SYNE1: variants seen among roughly 807,000 people sequenced by gnomAD.
SYNE1 encodes nesprin-1.
A neutral mutation model predicts 1,111.0 loss-of-function variants in SYNE1; 616 were observed. The observed-to-expected ratio is 0.55, with a 90% confidence interval of 0.52 to 0.59. The LOEUF (loss-of-function observed/expected upper bound fraction) is 0.59, where lower values mean the gene tolerates loss of function less well. SYNE1 is among the 20% of genes least tolerant of loss of function. The probability of loss-of-function intolerance (pLI) is 0.00; values close to 1 mark genes in which losing one functional copy is unlikely to be tolerated. For synonymous variants in SYNE1, 3,855 were observed against 3,825.8 expected (o/e 1.01, Z -0.28); for missense variants, 10,006 against 10,417.0 (o/e 0.96, Z 1.72).
At chr6:152,215,164 G>C in intron 121 of SYNE1, 104 bp from the exon 122 acceptor site, 4 of 1,325,324 alleles carry the variant, frequency 3.0e-6, no homozygotes, top group Non-Finnish European at 4.3e-6. Flanking sequence ...GCTGGTCTTC[G>C]GTCTAGTGGC....
At chr6:152,570,912 A>C (rs2099450583) in intron 3 of SYNE1, among the ~76,000 whole-genome samples, 1 of 152,166 alleles carries the variant, frequency 6.6e-6, no homozygotes, top group African/African-American at 2.4e-5. Flanking sequence ...TCCTAAAGGC[A>C]GCCAGATGCG....
At chr6:152,295,620 AC>A (rs1266394993) in intron 93 of SYNE1, among the ~76,000 whole-genome samples, 1 of 137,418 alleles carries the variant, frequency 7.3e-6, no homozygotes, top group Non-Finnish European at 1.7e-5. Flanking sequence ...TTACTGACAC[AC>A]ACACACACAC....
intron 3 of SYNE1, among the ~76,000 whole-genome samples, chr6:152,577,781 T>C (rs1444818148): frequency 1.2e-5 from 1 of 82,176 alleles, no homozygotes; most frequent in Admixed American, 1.3e-4. Context: ...TTCTGTTTTG[T>C]TTTTTTTTTT....
intron 87 of SYNE1, chr6:152,316,457 G>T: frequency 3.6e-6 from 1 of 276,922 alleles, no homozygotes; most frequent in Non-Finnish European, 7.0e-6. Flanking sequence ...CTGCATGGCG[G>T]AGCTTGGTTT....
intron 85 of SYNE1, among the ~76,000 whole-genome samples, 173 bp downstream of exon 85, chr6:152,318,690 A>C (rs529615589): frequency 6.6e-6 from 1 of 152,248 alleles, no homozygotes; most frequent in South Asian, 2.1e-4. Flanking sequence ...ATAATGATCA[A>C]TTATGTAAGA....
intron 90 of SYNE1, among the ~76,000 whole-genome samples, chr6:152,309,531 T>A (rs1465120851): frequency 1.3e-5 from 2 of 152,224 alleles, no homozygotes; most frequent in Non-Finnish European, 2.9e-5. Flanking sequence ...TGTAGATGAT[T>A]CTCAGGTGAA....
chr6:152,586,419 C>G (rs1201012569), intron 3 of SYNE1, among the ~76,000 whole-genome samples: 1 of 152,134 alleles, frequency 6.6e-6, no homozygotes, highest in Non-Finnish European at 1.5e-5. Context: ...CATTTGATAT[C>G]TTCCACCTTC....
At chr6:152,457,500 C>G (rs2098703572) in intron 22 of SYNE1, among the ~76,000 whole-genome samples, 1 of 152,022 alleles carries the variant, frequency 6.6e-6, no homozygotes, top group Admixed American at 6.6e-5. Flanking sequence ...ACCAAATAAC[C>G]CAATTAACTA....
chr6:152,129,320 C>T (rs1378099814), intron 145 of SYNE1: 1 of 152,196 alleles, frequency 6.6e-6, no homozygotes, highest in Non-Finnish European at 1.5e-5. Context: ...AACCAAAGAA[C>T]TGATCTCTGG....
At chr6:152,247,154 G>A (rs1002735867) in intron 105 of SYNE1, among the ~76,000 whole-genome samples, 5 of 152,142 alleles carry the variant, frequency 3.3e-5, no homozygotes, top group Admixed American at 2.6e-4. Context: ...CTGTGCACCA[G>A]GTTTATGAGG....
chr6:152,604,998 AAGAAAGAAAGAGAGAGAGAGAG>A (rs1473208134), intron 3 of SYNE1, among the ~76,000 whole-genome samples: 3 of 26,922 alleles, frequency 1.1e-4, no homozygotes, highest in African/African-American at 4.8e-4. Context: ...GAAAGAAAGA[AAGAAAGAAAGAGAGAGAGAGAG>A]AGAGAGAGAG....
In SYNE1 at chr6:152,493,220, G is replaced by C. The variant is rs773124139; in HGVS notation, c.940-4717C>G. On this transcript the variant is annotated intron_variant, in intron 11 of 145. Transcript: ENST00000367255. ...AGTATCCCATCCCACAACAGGCTTT[G>C]AGAGGACTAAAGCCTGTCCAGGATC... Among the ~76,000 whole-genome samples the C allele has an allele frequency of 3.3e-5, 5 of 151,960 alleles. No homozygotes were observed. The South Asian group carries it at 1.0e-3, about 32-fold the overall frequency.
chr6:152,505,112 G>T, intron 9 of SYNE1, 89 bp downstream of exon 9: 1 of 1,436,332 alleles, frequency 7.0e-7, no homozygotes, highest in Non-Finnish European at 9.7e-7. Context: ...GCCTCCAATA[G>T]AATCTTGGAA....
chr6:152,361,667 C>T (rs979570270), intron 64 of SYNE1, among the ~76,000 whole-genome samples: 1 of 151,922 alleles, frequency 6.6e-6, no homozygotes, highest in African/African-American at 2.4e-5. Flanking sequence ...ATGATCATGC[C>T]CTGGAGTGAG....
chr6:152,612,820 C>G (rs1262864684), intron 3 of SYNE1, among the ~76,000 whole-genome samples: 1 of 152,200 alleles, frequency 6.6e-6, no homozygotes, highest in East Asian at 1.9e-4. Context: ...GGCTTCACCC[C>G]TGGGATGCAA....
chr6:152,221,023 A>T lies in SYNE1; in HGVS notation c.21680T>A (p.Ile7227Asn). The change falls in exon 119 of 146, where the codon ATT becomes AAT. Residue 7227 changes from isoleucine (I) to asparagine (N), a missense_variant. Ile to Asn is a moderately radical substitution (Grantham distance 149). Coordinates refer to ENST00000367255, the MANE Select transcript of SYNE1 (RefSeq NM_182961.4). Reference sequence around the variant, plus strand: ...CTTGCTGGACTGTAGCTGCTCAGCAATCTCTTCCAGCAAGTTATTCCATCT... The same window carrying T: ...CTTGCTGGACTGTAGCTGCTCAGCATTCTCTTCCAGCAAGTTATTCCATCT... ...NMRWNNLLEE[I>N]AEQLQSSKAL... The T allele has an allele frequency of 6.2e-7, 1 of 1,614,128 alleles. No individual in the cohort carries two copies. The highest frequency in any genetic ancestry group is 8.5e-7 in the Non-Finnish European group (1 of 1,179,996).
intron 3 of SYNE1, among the ~76,000 whole-genome samples, chr6:152,547,668 C>T (rs12210547): frequency 0.032 from 4,835 of 152,160 alleles, 100 homozygotes; most frequent in Middle Eastern, 0.051. Context: ...AGTAAGAAAA[C>T]GCTTCAGGGT....
chr6:152,189,248 T>C lies in SYNE1; in HGVS notation c.23301+4A>G. The stretch of plus-strand genomic sequence containing the variant: ...GATAATTCCATTTTTAGAACTTATC[T>C]TACCTGGTGGCATAGTTCTTCCCAC... On this transcript the variant is annotated splice_donor_region_variant and intron_variant, in intron 128 of 145. Transcript: ENST00000367255. 6.2e-7 allele frequency: 1 copy of C among 1,613,666 alleles called. No individual in the cohort carries two copies. The highest frequency in any genetic ancestry group is 8.5e-7 in the Non-Finnish European group (1 of 1,179,940).
chr6:152,179,286 C>T (rs2067277361), intron 129 of SYNE1: 1 of 151,904 alleles, frequency 6.6e-6, no homozygotes, highest in South Asian at 2.1e-4. Flanking sequence ...GTTTTGGATC[C>T]AAATGAATAT....
Sources: allele counts gnomAD v4.1 joint callset (sites outside exome capture counted in the v4.1 genomes callset), GRCh38; gene constraint gnomAD v4.1.1; transcripts MANE v1.5; gene names NCBI Gene and HGNC (gene_info 2026-07-23, HGNC 2026-07-21).